EDDM13: variants seen among roughly 807,000 people sequenced by gnomAD.
EDDM13 encodes the protein epididymal protein 13.
EDDM13 carries 24 observed loss-of-function variants against 17.8 expected under a neutral mutation model. The ratio of observed to expected loss-of-function variants is 1.35; its 90% CI spans 0.98 to 1.90. EDDM13 has a LOEUF of 1.90. EDDM13 is among the 40% of genes most tolerant of loss of function. The pLI, the probability that EDDM13 is intolerant of heterozygous loss-of-function variation, is 0.00. For synonymous variants in EDDM13, 31 were observed against 37.5 expected, an observed-to-expected ratio of 0.83 and a Z score of 0.63; for missense variants, 97 against 100.8, an observed-to-expected ratio of 0.96 and a Z score of 0.16.
chr19:56,280,281 T>G (rs1341612089), intron 2 of EDDM13, among the ~76,000 whole-genome samples: 1 of 152,230 alleles, frequency 6.6e-6, no homozygotes, highest in African/African-American at 2.4e-5. Context: ...CCTCAACCTC[T>G]TATTTATACG....
At chr19:56,279,117 A>C (rs1268098964) in intron 2 of EDDM13, among the ~76,000 whole-genome samples, 1 of 152,230 alleles carries the variant, frequency 6.6e-6, no homozygotes, top group Non-Finnish European at 1.5e-5. Flanking sequence ...CATTGAGAAT[A>C]AACGTCTTAC....
intron 14 of EDDM13, among the ~76,000 whole-genome samples, chr19:56,305,631 C>T (rs1193415397): frequency 2.0e-5 from 3 of 152,112 alleles, no homozygotes; most frequent in East Asian, 1.9e-4. Context: ...GTGTTTATAA[C>T]GACCCACTGA....
chr19:56,292,680 C>T (rs1410458078), intron 9 of EDDM13, among the ~76,000 whole-genome samples: 2 of 151,762 alleles, frequency 1.3e-5, no homozygotes, highest in East Asian at 1.9e-4. Flanking sequence ...ATAATCACTG[C>T]CCCACCAAAA....
At chr19:56,301,881 A>C (rs890532890) in intron 12 of EDDM13, 87 bp from the exon 13 acceptor site, 2 of 1,229,398 alleles carry the variant, frequency 1.6e-6, no homozygotes, top group African/African-American at 3.1e-5. Flanking sequence ...GAGTTTGGAG[A>C]TCAGAATGGA....
intron 2 of EDDM13, among the ~76,000 whole-genome samples, chr19:56,279,233 A>G (rs764676441): frequency 2.0e-5 from 3 of 152,118 alleles, no homozygotes; most frequent in African/African-American, 2.4e-5. Context: ...TCTTTGGATG[A>G]TACTTCGAGA....
chr19:56,304,118 A>C (rs2040523371), intron 13 of EDDM13, among the ~76,000 whole-genome samples: 1 of 152,132 alleles, frequency 6.6e-6, no homozygotes, highest in African/African-American at 2.4e-5. Flanking sequence ...AGTGGATCGG[A>C]ATCAGGGCGA....
intron 6 of EDDM13, among the ~76,000 whole-genome samples, chr19:56,287,712 T>C (rs1254137808): frequency 6.6e-6 from 1 of 152,042 alleles, no homozygotes; most frequent in Non-Finnish European, 1.5e-5. Flanking sequence ...GGGCTAGAAA[T>C]CATCTGAGTC....
intron 2 of EDDM13, among the ~76,000 whole-genome samples, chr19:56,278,185 G>A (rs1031648397): frequency 1.3e-5 from 2 of 151,716 alleles, no homozygotes; most frequent in African/African-American, 4.8e-5. Context: ...ACAGTGGCAC[G>A]GTCTCGGCTC....
intron 1 of EDDM13, among the ~76,000 whole-genome samples, chr19:56,275,146 C>A (rs1300777307): frequency 6.6e-6 from 1 of 152,184 alleles, no homozygotes; most frequent in East Asian, 1.9e-4. Context: ...GGTTTCTCCA[C>A]TGTTAAGTTA....
rs907348825 is a variant in EDDM13 at position 56,302,107 on chromosome 19, G to C, written c.423+12G>C. The C allele has an allele frequency of 2.4e-6, 3 of 1,231,544 alleles. No individual in the cohort carries two copies. The African/African-American group carries it at 4.7e-5, about 19-fold the overall frequency. 76.3% of individuals were successfully genotyped at this position (1,231,544 alleles called of 1,614,324 possible). ...ACAAAGGGGACTGGGTAAGAAGAAGGCAGCACGGAGGGGAGGAGTGTGAGG... is the reference window on the plus strand; with the variant it reads ...ACAAAGGGGACTGGGTAAGAAGAAGCCAGCACGGAGGGGAGGAGTGTGAGG... On this transcript the variant is annotated intron_variant, in intron 13 of 14. Coordinates refer to ENST00000649256, the MANE Select transcript of EDDM13 (RefSeq NM_001354658.2).
chr19:56,292,709 A>G (rs1470966542), intron 9 of EDDM13, among the ~76,000 whole-genome samples: 4 of 152,108 alleles, frequency 2.6e-5, no homozygotes, highest in Non-Finnish European at 5.9e-5. Context: ...CCCATTAAAC[A>G]GTCAGTCCCC....
intron 2 of EDDM13, among the ~76,000 whole-genome samples, chr19:56,280,298 G>A (rs1331596873): frequency 6.6e-6 from 1 of 152,016 alleles, no homozygotes; most frequent in East Asian, 1.9e-4. Context: ...TACGTTTTTG[G>A]CTGAATAATA....
intron 3 of EDDM13, 138 bp from the exon 4 acceptor site, chr19:56,282,353 T>C (rs1268785171): frequency 3.2e-6 from 1 of 312,252 alleles, no homozygotes; most frequent in Non-Finnish European, 4.7e-6. Context: ...TTCCCTAACC[T>C]ATCTCAGGAC....
chr19:56,286,549 G>A (rs1436055021), intron 6 of EDDM13: 1 of 152,180 alleles, frequency 6.6e-6, no homozygotes, highest in African/African-American at 2.4e-5. Flanking sequence ...GGAGACAACT[G>A]TGAAGATAAA....
intron 6 of EDDM13, among the ~76,000 whole-genome samples, chr19:56,286,147 G>A (rs926324394): frequency 1.7e-4 from 26 of 151,954 alleles, no homozygotes; most frequent in African/African-American, 5.3e-4. Flanking sequence ...TCAGCCTCCC[G>A]AGTAGCTGGG....
rs950733727 is a variant in EDDM13 at position 56,308,283 on chromosome 19, C to T, written c.462-1841C>T. ...TCTTGACCTTGTGATCCGCCCGCCT[C>T]GGCCTCCCAAAGTGCTGGGATTACA... On this transcript the variant is annotated intron_variant, in intron 14 of 14. Transcript: ENST00000649256. Among the ~76,000 whole-genome samples, 9 of 152,002 alleles carry T rather than the reference C, an allele frequency of 5.9e-5. No individual in the cohort carries two copies. The South Asian group carries it at 6.2e-4, about 10-fold the overall frequency.
intron 14 of EDDM13, among the ~76,000 whole-genome samples, chr19:56,308,331 C>CTTTTTTTTT (rs543582885): frequency 4.4e-4 from 64 of 144,732 alleles, no homozygotes; most frequent in South Asian, 2.2e-3. Flanking sequence ...GGCTCCCAGT[C>CTTTTTTTTT]TTTTTTTTTT....
At chr19:56,296,133 C>G (rs2039855822) in intron 10 of EDDM13, 166 bp downstream of exon 10, 1 of 152,428 alleles carries the variant, frequency 6.6e-6, no homozygotes, top group South Asian at 2.1e-4. Context: ...GGAAAAGTAA[C>G]AGGCAGTTAA....
At chr19:56,274,177 G>A (rs1016304455) in intron 1 of EDDM13, among the ~76,000 whole-genome samples, 13 of 152,086 alleles carry the variant, frequency 8.5e-5, no homozygotes, top group Admixed American at 8.5e-4. Context: ...GTAGAGGTCG[G>A]GCGCGGTGGC....
Sources: allele counts gnomAD v4.1 joint callset (sites outside exome capture counted in the v4.1 genomes callset), GRCh38; gene constraint gnomAD v4.1.1; transcripts MANE v1.5; gene names NCBI Gene and HGNC (gene_info 2026-07-23, HGNC 2026-07-21).